ARHGAP26: variants seen among roughly 807,000 people sequenced by gnomAD.
ARHGAP26 encodes rho GTPase-activating protein 26.
Under a neutral mutation model 104.8 loss-of-function variants are expected in ARHGAP26, and 38 were observed. The ratio of observed to expected loss-of-function variants is 0.36; its 90% confidence interval spans 0.28 to 0.48. The LOEUF is 0.48. Ranked by LOEUF, ARHGAP26 falls within the 20% of genes least tolerant of loss-of-function variation. The pLI is 0.99. For missense variants in ARHGAP26, 704 were observed against 947.9 expected, an observed-to-expected ratio of 0.74 and a Z score of 3.38; for synonymous variants, 341 against 340.0, an observed-to-expected ratio of 1.00 and a Z score of -0.03.
At chr5:142,802,427 G>A (rs998600050) in intron 1 of ARHGAP26, among the ~76,000 whole-genome samples, 4 of 152,150 alleles carry the variant, frequency 2.6e-5, no homozygotes, top group African/African-American at 4.8e-5. Flanking sequence ...TAACATTGTC[G>A]GTAGGTTCTT....
chr5:142,971,745 C>T, intron 11 of ARHGAP26, among the ~76,000 whole-genome samples: 1 of 152,156 alleles, frequency 6.6e-6, no homozygotes, highest in Non-Finnish European at 1.5e-5. Flanking sequence ...CTTAAAGAGG[C>T]CATACCCTCA....
intron 1 of ARHGAP26, among the ~76,000 whole-genome samples, chr5:142,820,027 G>A (rs753630583): frequency 2.0e-5 from 3 of 152,176 alleles, no homozygotes; most frequent in Non-Finnish European, 4.4e-5. Flanking sequence ...GTGAGTCATC[G>A]CTTGGTTTAG....
intron 20 of ARHGAP26, chr5:143,166,173 T>C: frequency 9.1e-7 from 1 of 1,093,958 alleles, no homozygotes. Flanking sequence ...CCCTAACTCA[T>C]CTAGAACAAC....
intron 11 of ARHGAP26, among the ~76,000 whole-genome samples, chr5:142,993,472 T>G (rs1427357504): frequency 6.6e-6 from 1 of 151,636 alleles, no homozygotes; most frequent in African/African-American, 2.4e-5. Flanking sequence ...CCCGGCCCAA[T>G]TTTTGTGTTT....
intron 10 of ARHGAP26, 132 bp from the exon 11 acceptor site, chr5:142,931,915 G>A: frequency 2.5e-6 from 2 of 806,410 alleles, no homozygotes; most frequent in Non-Finnish European, 4.2e-6. Flanking sequence ...GTAAAGCCGA[G>A]TGTTTTGCCC....
chr5:142,816,770 G>A (rs1430661238), intron 1 of ARHGAP26, among the ~76,000 whole-genome samples: 1 of 152,194 alleles, frequency 6.6e-6, no homozygotes, highest in African/African-American at 2.4e-5. Context: ...AGTCATTTGG[G>A]GTTGGTTCGG....
intron 20 of ARHGAP26, among the ~76,000 whole-genome samples, chr5:143,148,857 G>A (rs1158628063): frequency 1.3e-5 from 2 of 152,096 alleles, no homozygotes; most frequent in African/African-American, 4.8e-5. Context: ...TCCTTGCTCT[G>A]TATGAGCAAG....
intron 20 of ARHGAP26, among the ~76,000 whole-genome samples, chr5:143,175,777 A>G (rs1409762552): frequency 1.3e-5 from 2 of 152,150 alleles, no homozygotes; most frequent in African/African-American, 4.8e-5. Context: ...TTTTTAGCCA[A>G]TTTTGACTTT....
intron 20 of ARHGAP26, among the ~76,000 whole-genome samples, chr5:143,183,085 A>AG (rs1205667048): frequency 1.3e-5 from 2 of 151,612 alleles, no homozygotes; most frequent in Non-Finnish European, 2.9e-5. Flanking sequence ...AAAAAAAAAA[A>AG]AAAAAAGAAA....
At chr5:143,145,289 A>G (rs1358187798) in intron 19 of ARHGAP26, among the ~76,000 whole-genome samples, 1 of 152,216 alleles carries the variant, frequency 6.6e-6, no homozygotes, top group East Asian at 1.9e-4. Context: ...AAGAATTCTG[A>G]GAATTATGCC....
At chr5:143,135,329 A>G (rs543199347) in intron 19 of ARHGAP26, among the ~76,000 whole-genome samples, 6 of 152,330 alleles carry the variant, frequency 3.9e-5, no homozygotes, top group African/African-American at 1.4e-4. Context: ...AAATGTTGCC[A>G]GGAGCAGAGT....
At chr5:143,071,288 A>G (rs1309450049) in intron 17 of ARHGAP26, among the ~76,000 whole-genome samples, 1 of 152,246 alleles carries the variant, frequency 6.6e-6, no homozygotes, top group Admixed American at 6.5e-5. Context: ...CCATAGACCA[A>G]TGGAACAGAA....
At chr5:142,941,812 A>C (rs762808756) in intron 11 of ARHGAP26, among the ~76,000 whole-genome samples, 9 of 152,154 alleles carry the variant, frequency 5.9e-5, no homozygotes, top group Non-Finnish European at 1.3e-4. Flanking sequence ...AGTTGATGAA[A>C]TTTTCTAAGA....
At chr5:142,968,526 C>T (rs947407938) in intron 11 of ARHGAP26, among the ~76,000 whole-genome samples, 5 of 152,220 alleles carry the variant, frequency 3.3e-5, no homozygotes, top group African/African-American at 1.2e-4. Context: ...AATAATTACC[C>T]TCATTCCTCC....
intron 1 of ARHGAP26, among the ~76,000 whole-genome samples, chr5:142,775,032 G>T (rs1305378248): frequency 6.6e-6 from 1 of 152,012 alleles, no homozygotes; most frequent in Non-Finnish European, 1.5e-5. Context: ...GAATAGAGCC[G>T]ATATAAACAT....
chr5:143,186,426 A>G (rs765387935), intron 20 of ARHGAP26, among the ~76,000 whole-genome samples: 3 of 152,142 alleles, frequency 2.0e-5, no homozygotes, highest in Admixed American at 6.5e-5. Flanking sequence ...ACTCCTCACT[A>G]TGCCACCATC....
rs113189153 is a variant in ARHGAP26 at position 143,092,277 on chromosome 5, C to T, written c.1539-28711C>T. 9.7e-3 allele frequency among the ~76,000 whole-genome samples: 1,464 copies of T among 151,498 alleles called. 25 individuals carry two copies. Among genetic ancestry groups the T allele is most frequent in the East Asian group, 0.078 (402 of 5,126 alleles). ...CTCCCAGGTTCACGCCATTCTCCTG[C>T]CTCGGCCTCCTGAGCAGCTGGGACT... is the stretch of plus-strand genomic sequence containing the variant. On this transcript the variant is annotated intron_variant, in intron 17 of 22. Transcript: ENST00000645722.
chr5:142,943,131 T>A (rs912005698), intron 11 of ARHGAP26, among the ~76,000 whole-genome samples: 1 of 152,206 alleles, frequency 6.6e-6, no homozygotes, highest in Non-Finnish European at 1.5e-5. Context: ...TTTTTGTTTG[T>A]CTTTGGTGGC....
chr5:142,772,816 TTG>T (rs766549686), intron 1 of ARHGAP26: 16 of 533,386 alleles, frequency 3.0e-5, no homozygotes, highest in Non-Finnish European at 1.9e-5. Flanking sequence ...GAATTTGGAC[TTG>T]TGTTTTCTAT....
Sources: gnomAD v4.1 joint callset for allele counts (sites outside exome capture counted in the v4.1 genomes callset) on GRCh38, gnomAD v4.1.1 for gene constraint, MANE v1.5 for transcripts, NCBI Gene and HGNC (gene_info 2026-07-23, HGNC 2026-07-21) for gene names.